CAMK2G: variants seen among roughly 807,000 people sequenced by gnomAD.
The protein encoded by CAMK2G is calcium/calmodulin dependent protein kinase II gamma.
In CAMK2G, 23 loss-of-function variants were observed where a neutral mutation model predicts 88.7. That is an observed-to-expected ratio of 0.26 (90% CI 0.19 to 0.37). The LOEUF (loss-of-function observed/expected upper bound fraction) is 0.37, where lower values mean the gene tolerates loss of function less well. CAMK2G is among the 10% of genes least tolerant of loss of function. The pLI, the probability that CAMK2G is intolerant of heterozygous loss-of-function variation, is 1.00. For synonymous variants in CAMK2G, 263 were observed against 294.8 expected, an observed-to-expected ratio of 0.89 and a Z score of 1.11; for missense variants, 476 against 780.8, an observed-to-expected ratio of 0.61 and a Z score of 4.65.
intron 2 of CAMK2G, among the ~76,000 whole-genome samples, chr10:73,869,440 C>T (rs2095723266): frequency 6.6e-6 from 1 of 152,200 alleles, no homozygotes; most frequent in Non-Finnish European, 1.5e-5. Flanking sequence ...TCCTCTCTTC[C>T]AGCAGCCGTA....
chr10:73,843,755 AG>A (rs2094001022), intron 10 of CAMK2G, among the ~76,000 whole-genome samples: 1 of 152,074 alleles, frequency 6.6e-6, no homozygotes, highest in Non-Finnish European at 1.5e-5. Context: ...CCAGGTCCGG[AG>A]GCAACTCTCC....
chr10:73,827,663 ACAAGT>A (rs1199741541), intron 15 of CAMK2G, among the ~76,000 whole-genome samples: 7 of 152,184 alleles, frequency 4.6e-5, no homozygotes, highest in Admixed American at 2.6e-4. Context: ...AGCGAGACTC[ACAAGT>A]GGGAGCCTGC....
At chr10:73,850,431 C>CA (rs1192130754) in intron 5 of CAMK2G, among the ~76,000 whole-genome samples, 9 of 152,322 alleles carry the variant, frequency 5.9e-5, no homozygotes, top group African/African-American at 2.2e-4. Context: ...CGCCCCCCCC[C>CA]ACCGCAGGGG....
Position 73,848,393 on chromosome 10 carries a change from G to A in CAMK2G, c.601+133C>T. 1 of 705,298 alleles carries A rather than the reference G, an allele frequency of 1.4e-6. No homozygotes were observed. Among genetic ancestry groups the A allele is most frequent in the African/African-American group, 1.8e-5 (1 of 57,040 alleles). The allele number at this position is 705,298 out of a possible 1,614,324, so 43.7% of individuals were successfully genotyped here. On this transcript the variant is annotated intron_variant, in intron 8 of 22. Coordinates refer to ENST00000423381, the MANE Select transcript of CAMK2G (RefSeq NM_001367534.1). The surrounding 1 kb of genome is among the most constrained non-coding windows in gnomAD (Gnocchi z 4.5). ...GGGTGTGATGGGAACAGCCATCCCA[G>A]GGGCAAACACCATAATTTCACATAC...
intron 19 of CAMK2G, 165 bp from the exon 20 acceptor site, chr10:73,817,719 G>T: frequency 1.6e-6 from 1 of 620,294 alleles, no homozygotes; most frequent in Non-Finnish European, 2.9e-6. Flanking sequence ...CTTCCCTCCC[G>T]TCTCCCTCTC....
chr10:73,815,382 C>T, intron 21 of CAMK2G, 135 bp from the exon 22 acceptor site: 1 of 636,630 alleles, frequency 1.6e-6, no homozygotes, highest in East Asian at 2.8e-5. Context: ...CCCCCCCACC[C>T]CCGAACCCCT....
Position 73,825,347 on chromosome 10 carries a change from G to A in CAMK2G, c.1087C>T (p.Pro363Ser). 1 of 1,613,328 alleles carries A rather than the reference G, an allele frequency of 6.2e-7. No homozygotes were observed. The highest frequency in any genetic ancestry group is 8.5e-7 in the Non-Finnish European group (1 of 1,179,252). The change falls in exon 16 of 23, where the codon CCA (proline) becomes TCA (serine). Residue 363 changes from proline to serine, a missense_variant and splice_region_variant. Coordinates refer to ENST00000423381, the MANE Select transcript of CAMK2G (RefSeq NM_001367534.1). Reference sequence around the variant, plus strand: ...AGACTGTTTTTGTTGTTGCTCTGTGGCTGAGACAAGAAAACAGATGGTTTA... The same window carrying A: ...AGACTGTTTTTGTTGTTGCTCTGTGACTGAGACAAGAAAACAGATGGTTTA... ...RKSSSSVHLM[P>S]QSNNKNSLVS... is the part of the protein sequence containing the mutation.
At chr10:73,820,077 G>A (rs1187737030) in intron 18 of CAMK2G, among the ~76,000 whole-genome samples, 1 of 152,160 alleles carries the variant, frequency 6.6e-6, no homozygotes, top group Non-Finnish European at 1.5e-5. Context: ...GCAGCTTTCT[G>A]CTATTTTTTT....
chr10:73,849,171 C>A, intron 6 of CAMK2G, 56 bp from the exon 7 acceptor site: 2 of 1,578,506 alleles, frequency 1.3e-6, no homozygotes, highest in Non-Finnish European at 1.7e-6. Flanking sequence ...CCAGAGGAAG[C>A]CTAGTTTGGG....
intron 15 of CAMK2G, 145 bp downstream of exon 15, chr10:73,827,944 G>A: frequency 1.3e-6 from 1 of 760,942 alleles, no homozygotes; most frequent in East Asian, 2.5e-5. Flanking sequence ...GCCCCCGCCT[G>A]GCAGGACAGG....
At chr10:73,833,127 ATTTTT>A (rs765917793) in intron 14 of CAMK2G, among the ~76,000 whole-genome samples, 1 of 138,788 alleles carries the variant, frequency 7.2e-6, no homozygotes, top group Non-Finnish European at 1.6e-5. Flanking sequence ...CACTCAGCTA[ATTTTT>A]TTTTTTTTTT....
At chr10:73,862,297 ACCC>A (rs111889953) in intron 2 of CAMK2G, among the ~76,000 whole-genome samples, 19,190 of 76,404 alleles carry the variant, frequency 0.25, 1,792 homozygotes, top group Middle Eastern at 0.35. Context: ...CTCCTACTCC[ACCC>A]CCCCCCCCCC....
At chr10:73,823,896 T>C (rs2090020254) in intron 17 of CAMK2G, 144 bp downstream of exon 17, 1 of 743,352 alleles carries the variant, frequency 1.3e-6, no homozygotes, top group Non-Finnish European at 2.4e-6. Context: ...TTCCTCAGCA[T>C]GGAGCAACTG....
chr10:73,873,401 C>T, intron 1 of CAMK2G: 2 of 1,231,888 alleles, frequency 1.6e-6, no homozygotes, highest in Non-Finnish European at 2.1e-6. Flanking sequence ...TGCTGCATCT[C>T]AGACAGCCCT....
At chr10:73,862,545 G>A (rs2095427510) in intron 2 of CAMK2G, among the ~76,000 whole-genome samples, 1 of 152,146 alleles carries the variant, frequency 6.6e-6, no homozygotes, top group East Asian at 1.9e-4. Flanking sequence ...CATACCTACA[G>A]AAACTCTGTG....
chr10:73,847,079 T>A lies in CAMK2G; in HGVS notation c.819+146A>T, dbSNP rs567108685. 5.0e-5 allele frequency: 37 copies of A among 747,170 alleles called. No homozygotes were observed. In the East Asian group the frequency reaches 7.8e-4, roughly 16 times the overall value. 46.3% of individuals were successfully genotyped at this position (747,170 alleles called of 1,614,324 possible). On this transcript the variant is annotated intron_variant, in intron 10 of 22. Coordinates refer to ENST00000423381, the MANE Select transcript of CAMK2G (RefSeq NM_001367534.1). Reference sequence around the variant, plus strand: ...TCTCCCTGGTGACATTTATTGACCCTGGCCCTCAACAGTCCTCTGCCCGCC... The same window carrying A: ...TCTCCCTGGTGACATTTATTGACCCAGGCCCTCAACAGTCCTCTGCCCGCC...
chr10:73,846,914 A>G (rs1256531020), intron 10 of CAMK2G: 1 of 261,026 alleles, frequency 3.8e-6, no homozygotes, highest in Non-Finnish European at 7.3e-6. Flanking sequence ...GGGTTTTGCC[A>G]GCTGCTTTCT....
At chr10:73,852,559 T>C in intron 4 of CAMK2G, 1 of 535,394 alleles carries the variant, frequency 1.9e-6, no homozygotes, top group South Asian at 2.5e-5. Context: ...ACAGATTCAC[T>C]AATAGTCAGG....
chr10:73,817,684 C>A (rs1320392996), intron 19 of CAMK2G, 130 bp from the exon 20 acceptor site: 21 of 677,542 alleles, frequency 3.1e-5, no homozygotes, highest in Non-Finnish European at 5.4e-5. Flanking sequence ...GTCTCTAGGG[C>A]CCTTGGCAGG....
Sources: allele counts gnomAD v4.1 joint callset (sites outside exome capture counted in the v4.1 genomes callset), GRCh38; gene constraint gnomAD v4.1.1; non-coding constraint Gnocchi (gnomAD v3.1); transcripts MANE v1.5; gene names NCBI Gene and HGNC (gene_info 2026-07-23, HGNC 2026-07-21).